Variants in STAT6 observed in about 807,000 individuals in gnomAD.
STAT6 encodes the protein STAT, interleukin4-induced.
STAT6 carries 45 observed loss-of-function variants against 106.3 expected under a neutral mutation model. The ratio of observed to expected loss-of-function variants is 0.42; its 90% CI spans 0.33 to 0.54. The LOEUF (loss-of-function observed/expected upper bound fraction) is 0.54, where lower values mean the gene tolerates loss of function less well. Ranked by LOEUF, STAT6 falls within the 20% of genes least tolerant of loss-of-function variation. The probability of loss-of-function intolerance (pLI) is 0.06; values close to 1 mark genes in which losing one functional copy is unlikely to be tolerated. For missense variants in STAT6, 797 were observed against 1,062.2 expected, an observed-to-expected ratio of 0.75 and a Z score of 3.47; for synonymous variants, 413 against 413.6, an observed-to-expected ratio of 1.00 and a Z score of 0.02.
intron 1 of STAT6, chr12:57,110,051 T>C: frequency 6.6e-6 from 1 of 152,444 alleles, no homozygotes; most frequent in Non-Finnish European, 1.5e-5. Context: ...ACCCCAGCTC[T>C]TTTCTCCTCA....
chr12:57,106,712 C>T lies in STAT6; in HGVS notation c.459G>A (p.Lys153=), dbSNP rs761977609. 2 of 1,614,194 alleles carry T rather than the reference C, an allele frequency of 1.2e-6. No individual in the cohort carries two copies. The highest frequency in any genetic ancestry group is 3.3e-5 in the Admixed American group (2 of 60,026). ...CCCCACCTTGGCCAGCCTCAGCCCC[C>T]TTCTGCAGGGCTTCTCGGAGAAGGT... is the stretch of plus-strand genomic sequence containing the variant. The part of the protein sequence containing the change: ...EIHLLREALQ[K]GAEAGQVSLH... Residue 153 remains lysine, a synonymous_variant, in exon 5 of 22, where the codon AAG becomes AAA. Coordinates refer to ENST00000300134, the MANE Select transcript of STAT6 (RefSeq NM_003153.5).
In STAT6 at chr12:57,096,406, C is replaced by G; in HGVS notation, c.*166G>C. The G allele has an allele frequency of 1.5e-6, 1 of 661,448 alleles. No individual in the cohort carries two copies. The highest frequency in any genetic ancestry group is 2.6e-6 in the Non-Finnish European group (1 of 380,350). The allele number at this position is 661,448 out of a possible 1,614,324, so 41.0% of individuals were successfully genotyped here. ...GAAAGGAAGGAGTGGATTGGCTCCA[C>G]CCACTGTGCATTCTCCTGTTAGTCT... On this transcript the variant is annotated 3_prime_UTR_variant, in exon 22 of 22. Transcript: ENST00000300134.
rs370503778 is a variant in STAT6 at position 57,099,277 on chromosome 12, T to C, written c.1891+17A>G. On this transcript the variant is annotated intron_variant, in intron 16 of 21. Coordinates refer to ENST00000300134, the MANE Select transcript of STAT6 (RefSeq NM_003153.5). This position sits in a 1 kb window ranked among gnomAD's most constrained non-coding sequence, Gnocchi z 4.7. ...GTGGGTGACAGGAAGGAATCAGAGC[T>C]GCCAGTTCCAGCTCACGCTTGTAGT... 1 of 1,613,838 alleles carries C rather than the reference T, an allele frequency of 6.2e-7. No individual in the cohort carries two copies. The highest frequency in any genetic ancestry group is 1.3e-5 in the African/African-American group (1 of 74,910).
rs1264688262 is a variant in STAT6, at chr12:57,096,977, C to T, written c.2227G>A (p.Gly743Ser). 1.9e-6 allele frequency: 3 copies of T among 1,612,858 alleles called. No homozygotes were observed. Among genetic ancestry groups the T allele is most frequent in the Non-Finnish European group, 1.7e-6 (2 of 1,179,370 alleles). Reference protein sequence around the residue: ...SLPFDQPHPQGLLPCQPQEHA... With the variant: ...SLPFDQPHPQSLLPCQPQEHA... Reference sequence around the variant, plus strand: ...TCCTGAGGCTGGCACGGCAGCAGGCCCCTGCCAGGAACCAGCAATGGAAAT... The same window carrying T: ...TCCTGAGGCTGGCACGGCAGCAGGCTCCTGCCAGGAACCAGCAATGGAAAT... Residue 743 changes from glycine to serine, a missense_variant and splice_region_variant, in exon 21 of 22, where the codon GGC becomes AGC. This residue lies in a region of STAT6 where 226 missense variants were observed against 236.7 expected (regional missense o/e 0.95). Transcript: ENST00000300134.
Position 57,096,629 on chromosome 12 carries a change from A to G in STAT6, c.2487T>C (p.Tyr829=). ...GAQPLLQPSH[Y]GQSGISMSHM... is the part of the protein sequence containing the mutation. ...GGGACATTGAGATCCCAGATTGCCC[A>G]TAGTGGGAGGGCTGCAGGAGGGGCT... is the stretch of plus-strand genomic sequence containing the variant. Residue 829 remains tyrosine (Y), a synonymous_variant, in exon 22 of 22, where the codon TAT becomes TAC. Transcript: ENST00000300134. 1 of 1,608,562 alleles carries G rather than the reference A, an allele frequency of 6.2e-7. No homozygotes were observed. Among genetic ancestry groups the G allele is most frequent in the Non-Finnish European group, 8.5e-7 (1 of 1,178,204 alleles).
chr12:57,100,888 C>T (rs985219555), intron 13 of STAT6: 3 of 455,612 alleles, frequency 6.6e-6, no homozygotes, highest in African/African-American at 2.0e-5. Flanking sequence ...CTCTGAGCAT[C>T]AGATTCCTCA....
chr12:57,104,226 T>C lies in STAT6; in HGVS notation c.1212+238A>G. 9.0e-6 allele frequency: 5 copies of C among 555,256 alleles called. No homozygotes were observed. The East Asian group carries it at 9.3e-5, about 10-fold the overall frequency. The allele number at this position is 555,256 out of a possible 1,614,324, so 34.4% of individuals were successfully genotyped here. On this transcript the variant is annotated intron_variant, in intron 11 of 21. Transcript: ENST00000300134. ...ACGCATGTGCGTATGTATCATTTAA[T>C]AGAGTGCCCTGGTCTATAGGAAGTG...
At chr12:57,101,515 C>T (rs1433388073) in intron 13 of STAT6, among the ~76,000 whole-genome samples, 3 of 151,554 alleles carry the variant, frequency 2.0e-5, no homozygotes, top group East Asian at 1.9e-4. Context: ...CAGACGCAAA[C>T]GACCACTCCT....
rs1465645596 is a variant in STAT6 at position 57,096,484 on chromosome 12, C to A, written c.*88G>T. 1 of 1,338,312 alleles carries A rather than the reference C, an allele frequency of 7.5e-7. No individual in the cohort carries two copies. The highest frequency in any genetic ancestry group is 1.0e-6 in the Non-Finnish European group (1 of 980,708). 82.9% of individuals were successfully genotyped at this position (1,338,312 alleles called of 1,614,324 possible). On this transcript the variant is annotated 3_prime_UTR_variant, in exon 22 of 22. Coordinates refer to ENST00000300134, the MANE Select transcript of STAT6 (RefSeq NM_003153.5). ...GATAGGAGGGCACCCTCCCCATCTG[C>A]TGCTTGGCAGGGCATGAGCAAGTGT...
At chr12:57,097,839 G>T (rs2033550338) in intron 19 of STAT6, among the ~76,000 whole-genome samples, 1 of 152,070 alleles carries the variant, frequency 6.6e-6, no homozygotes, top group South Asian at 2.1e-4. Flanking sequence ...GGCGGAGGTT[G>T]CAGGGAGCTA....
At position 57,100,638 on chromosome 12, in the gene STAT6, G is replaced by GAGAAAGAA. The variant is rs201086579; in HGVS notation, c.1513-556_1513-549dup. Among the ~76,000 whole-genome samples the GAGAAAGAA allele has an allele frequency of 2.2e-3, 220 of 100,100 alleles. 3 individuals carry two copies. The highest frequency in any genetic ancestry group is 5.8e-3 in the East Asian group (18 of 3,112). 65.7% of individuals were successfully genotyped at this position (100,100 alleles called of 152,430 possible). A position where few individuals can be genotyped will look rare whatever the true frequency, so the allele number is the denominator to read the frequency against. On this transcript the variant is annotated intron_variant, in intron 13 of 21. Coordinates refer to ENST00000300134, the MANE Select transcript of STAT6 (RefSeq NM_003153.5). The stretch of plus-strand genomic sequence containing the variant: ...AGAAAGAAAAAGAGAGAAAGAGAAA[G>GAGAAAGAA]AGAAAGAAAGAAAGAAAGAAAGAAA...
At chr12:57,102,184 C>A in intron 13 of STAT6, 106 bp downstream of exon 13, 1 of 1,256,766 alleles carries the variant, frequency 8.0e-7, no homozygotes, top group Non-Finnish European at 1.1e-6. Context: ...TGAGGGGGCA[C>A]TGTGGAGAAT....
At position 57,102,918 on chromosome 12, in the gene STAT6, G is replaced by C. The variant is rs145406233; in HGVS notation, c.1216C>G (p.Leu406Val). Residue 406 changes from leucine to valine, a missense_variant, in exon 12 of 22, where the codon CTG becomes GTG. Physicochemically the swap from Leu to Val is conservative, Grantham distance 32 (BLOSUM62 1). Coordinates refer to ENST00000300134, the MANE Select transcript of STAT6 (RefSeq NM_003153.5). ...PGKLPIQLQALSLPLVVIVHG... is the reference protein window; with the variant it reads ...PGKLPIQLQAVSLPLVVIVHG... ...ACGATGACCACCAGGGGCAGAGACA[G>C]GGCCTGAAGAGGGTGAGGACAGGGG... The C allele has an allele frequency of 4.5e-5, 72 of 1,600,454 alleles. No homozygotes were observed. The Middle Eastern group carries it at 1.5e-3, about 33-fold the overall frequency.
chr12:57,106,072 C>A (rs1277403307), intron 7 of STAT6, 119 bp downstream of exon 7: 3 of 1,503,278 alleles, frequency 2.0e-6, no homozygotes, highest in Non-Finnish European at 2.7e-6. Flanking sequence ...GGCTTTTATG[C>A]ATCTTGGTCC....
intron 19 of STAT6, among the ~76,000 whole-genome samples, chr12:57,098,166 G>A (rs1473874251): frequency 1.3e-5 from 2 of 152,168 alleles, no homozygotes; most frequent in African/African-American, 2.4e-5. Flanking sequence ...CTTTTGCTAT[G>A]AGCCATGCAC....
Position 57,099,935 on chromosome 12 carries a change from G to A in STAT6, c.1608-32C>T. 1.2e-6 allele frequency: 2 copies of A among 1,614,196 alleles called. No individual in the cohort carries two copies. Among genetic ancestry groups the A allele is most frequent in the South Asian group, 1.1e-5 (1 of 91,090 alleles). On this transcript the variant is annotated intron_variant, in intron 14 of 21. Coordinates refer to ENST00000300134, the MANE Select transcript of STAT6 (RefSeq NM_003153.5). This position sits in a 1 kb window ranked among gnomAD's most constrained non-coding sequence, Gnocchi z 4.7. ...GGGATGAAGGAGAGGATGGGGCATG[G>A]GCAGTGAGTATGGAGGTGACTGGTG... is the stretch of plus-strand genomic sequence containing the variant.
intron 7 of STAT6, 53 bp downstream of exon 7, chr12:57,106,138 G>T: frequency 6.2e-7 from 1 of 1,608,230 alleles, no homozygotes; most frequent in Non-Finnish European, 8.5e-7. Flanking sequence ...CTTCAGCAGG[G>T]TCAGCTGCCC....
chr12:57,102,622 G>T (rs2034005033), intron 12 of STAT6, 126 bp from the exon 13 acceptor site: 2 of 1,111,622 alleles, frequency 1.8e-6, no homozygotes, highest in South Asian at 1.5e-5. Context: ...TCACAAACAT[G>T]CTGTTTTTTC....
intron 13 of STAT6, among the ~76,000 whole-genome samples, chr12:57,100,689 A>AG (rs1491090149): frequency 2.2e-5 from 1 of 44,750 alleles, no homozygotes; most frequent in Admixed American, 2.7e-4. Context: ...AGAAAGAAAG[A>AG]AAGAAAGAAA....
Sources: allele counts gnomAD v4.1 joint callset (sites outside exome capture counted in the v4.1 genomes callset), GRCh38; gene constraint gnomAD v4.1.1; regional missense constraint gnomAD v4.1.1; non-coding constraint Gnocchi (gnomAD v3.1); transcripts MANE v1.5; gene names NCBI Gene and HGNC (gene_info 2026-07-23, HGNC 2026-07-21).